WDR72: variants seen among roughly 807,000 people sequenced by gnomAD.
WDR72 encodes WD repeat-containing protein 72.
A neutral mutation model predicts 124.2 loss-of-function variants in WDR72; 120 were observed. The ratio of observed to expected loss-of-function variants is 0.97; its 90% CI spans 0.83 to 1.12. The LOEUF (loss-of-function observed/expected upper bound fraction) is 1.12. WDR72 is among the 50% of genes most tolerant of loss of function. The pLI, the probability that WDR72 is intolerant of heterozygous loss-of-function variation, is 0.00. For missense variants in WDR72, 1,387 were observed against 1,278.8 expected, an observed-to-expected ratio of 1.08 and a Z score of -1.29; for synonymous variants, 452 against 441.7, an observed-to-expected ratio of 1.02 and a Z score of -0.29.
In WDR72 at chr15:53,582,799, G is replaced by A. The variant is rs1244063056; in HGVS notation, c.3148+14280C>T. ...TGACTATTTTCAATTTATAAACATCGTACATTCATCAAACTATATTTTTGA... is the reference window on the plus strand; with the variant it reads ...TGACTATTTTCAATTTATAAACATCATACATTCATCAAACTATATTTTTGA... On this transcript the variant is annotated intron_variant, in intron 18 of 19. Coordinates refer to ENST00000360509, the MANE Select transcript of WDR72 (RefSeq NM_182758.4). Among the ~76,000 whole-genome samples the A allele has an allele frequency of 2.6e-5, 4 of 151,776 alleles. No individual in the cohort carries two copies. The East Asian group carries it at 7.8e-4, about 29-fold the overall frequency.
At chr15:53,724,981 T>C (rs1184462485) in intron 2 of WDR72, among the ~76,000 whole-genome samples, 3 of 151,926 alleles carry the variant, frequency 2.0e-5, no homozygotes, top group Non-Finnish European at 4.4e-5. Context: ...TTCTTATTTA[T>C]ATAAAAAATA....
intron 1 of WDR72, among the ~76,000 whole-genome samples, chr15:53,733,536 G>T (rs1338388535): frequency 6.6e-6 from 1 of 152,046 alleles, no homozygotes; most frequent in African/African-American, 2.4e-5. Context: ...AGCCAGCTTT[G>T]CAGACTCTCT....
At chr15:53,632,355 T>C (rs1182316643) in intron 14 of WDR72, among the ~76,000 whole-genome samples, 1 of 151,856 alleles carries the variant, frequency 6.6e-6, no homozygotes, top group East Asian at 1.9e-4. Flanking sequence ...AATGCAAGAG[T>C]TGAGGCTTAG....
At chr15:53,539,615 G>A (rs767216195) in intron 18 of WDR72, among the ~76,000 whole-genome samples, 5 of 150,900 alleles carry the variant, frequency 3.3e-5, no homozygotes, top group African/African-American at 7.3e-5. Flanking sequence ...AAGGTAATAC[G>A]TAAAGGTTTT....
intron 18 of WDR72, among the ~76,000 whole-genome samples, chr15:53,593,352 A>G (rs2012603360): frequency 6.6e-6 from 1 of 152,108 alleles, no homozygotes; most frequent in African/African-American, 2.4e-5. Context: ...ACAGCACAGT[A>G]TTTAGGAGAA....
chr15:53,751,983 T>TA (rs2018786441), intron 1 of WDR72, among the ~76,000 whole-genome samples: 1 of 152,208 alleles, frequency 6.6e-6, no homozygotes, highest in Admixed American at 6.5e-5. Flanking sequence ...TAGACTCTAT[T>TA]ATCAGAAGGT....
At chr15:53,710,665 A>G (rs1405717283) in intron 9 of WDR72, among the ~76,000 whole-genome samples, 192 bp downstream of exon 9, 7 of 152,220 alleles carry the variant, frequency 4.6e-5, no homozygotes, top group African/African-American at 1.4e-4. Flanking sequence ...ACAGACTTAA[A>G]CATAGCAGAT....
intron 1 of WDR72, among the ~76,000 whole-genome samples, chr15:53,753,585 G>C (rs2018825539): frequency 6.6e-6 from 1 of 152,172 alleles, no homozygotes; most frequent in African/African-American, 2.4e-5. Flanking sequence ...TGGATTTTCT[G>C]TCATGAGCCA....
intron 18 of WDR72, among the ~76,000 whole-genome samples, chr15:53,571,426 A>G (rs1265845404): frequency 1.3e-5 from 2 of 151,956 alleles, no homozygotes; most frequent in Non-Finnish European, 2.9e-5. Flanking sequence ...TGCTTCTGTG[A>G]GTTCAACTTT....
chr15:53,675,890 G>T (rs2016156441), intron 13 of WDR72, among the ~76,000 whole-genome samples: 2 of 152,042 alleles, frequency 1.3e-5, no homozygotes, highest in Non-Finnish European at 2.9e-5. Flanking sequence ...GGAGAGGAAG[G>T]ATATAGTAGA....
intron 18 of WDR72, among the ~76,000 whole-genome samples, chr15:53,564,443 T>C (rs1243218819): frequency 6.6e-6 from 1 of 151,886 alleles, no homozygotes; most frequent in African/African-American, 2.4e-5. Flanking sequence ...AATTACCTGG[T>C]AAACATGCCA....
At chr15:53,527,149 G>C (rs1204330206) in intron 18 of WDR72, among the ~76,000 whole-genome samples, 2 of 152,038 alleles carry the variant, frequency 1.3e-5, no homozygotes, top group Non-Finnish European at 2.9e-5. Flanking sequence ...TCACATTCAA[G>C]AACACTGTAA....
rs563422940 is a variant in WDR72, at chr15:53,715,831, T to C, written c.340-464A>G. ...ACCCTGTCTCTTAAAGAGAAAAAAT[T>C]AATAGCAACAACAAAACCCAGGTTC... is the stretch of plus-strand genomic sequence containing the variant. On this transcript the variant is annotated intron_variant, in intron 4 of 19. Transcript: ENST00000360509. Among the ~76,000 whole-genome samples, 104 of 152,272 alleles carry C rather than the reference T, an allele frequency of 6.8e-4. 2 individuals carry two copies. Among genetic ancestry groups the C allele is most frequent in the African/African-American group, 2.5e-3 (102 of 41,562 alleles).
intron 13 of WDR72, among the ~76,000 whole-genome samples, chr15:53,685,704 C>G (rs1595848815): frequency 6.6e-6 from 1 of 151,384 alleles, no homozygotes; most frequent in African/African-American, 2.4e-5. Flanking sequence ...TCAGGAAATA[C>G]AGAGAACACC....
At position 53,517,608 on chromosome 15, in the gene WDR72, TAAC is replaced by T. The variant is rs1382560629; in HGVS notation, c.*88_*90del. The T allele has an allele frequency of 1.2e-5, 16 of 1,380,130 alleles. No homozygotes were observed. In the Admixed American group the frequency reaches 2.5e-4, roughly 22 times the overall value. The allele number at this position is 1,380,130 out of a possible 1,614,324, so 85.5% of individuals were successfully genotyped here. ...CACTACAGCCTAATAACTTGACCAA[TAAC>T]AACAATGCTTTTATACAGTAATAAA... On this transcript the variant is annotated 3_prime_UTR_variant, in exon 20 of 20. Coordinates refer to ENST00000360509, the MANE Select transcript of WDR72 (RefSeq NM_182758.4).
intron 14 of WDR72, among the ~76,000 whole-genome samples, chr15:53,618,061 G>A (rs1159927744): frequency 6.6e-6 from 1 of 151,700 alleles, no homozygotes; most frequent in African/African-American, 2.4e-5. Context: ...TACATTTCAT[G>A]GTAAATAAAT....
chr15:53,729,491 A>AAAC (rs775775705), intron 2 of WDR72, among the ~76,000 whole-genome samples: 33 of 150,774 alleles, frequency 2.2e-4, no homozygotes, highest in South Asian at 4.2e-4. Flanking sequence ...CTAGTGAAAA[A>AAAC]AAAACAAAAC....
rs1891314920 is a variant in WDR72 at position 53,514,130 on chromosome 15, T to G, written c.*3569A>C. 6.6e-6 allele frequency: 1 copy of G among 152,218 alleles called. No homozygotes were observed. Among genetic ancestry groups the G allele is most frequent in the Non-Finnish European group, 1.5e-5 (1 of 68,042 alleles). 9.4% of individuals were successfully genotyped at this position (152,218 alleles called of 1,614,324 possible). A position where few individuals can be genotyped will look rare whatever the true frequency, so the allele number is the denominator to read the frequency against. ...TTTGCAACTCTTTTGGTTAAGCTAA[T>G]TTTTTAAAATTACAAAAAACACTAA... On this transcript the variant is annotated 3_prime_UTR_variant, in exon 20 of 20. Coordinates refer to ENST00000360509, the MANE Select transcript of WDR72 (RefSeq NM_182758.4).
chr15:53,695,144 C>A (rs1294840962), intron 13 of WDR72, among the ~76,000 whole-genome samples: 1 of 152,148 alleles, frequency 6.6e-6, no homozygotes, highest in East Asian at 1.9e-4. Flanking sequence ...AACAAGGTTT[C>A]ATTGTCCCAC....
Sources: gnomAD v4.1 joint callset for allele counts (sites outside exome capture counted in the v4.1 genomes callset) on GRCh38, gnomAD v4.1.1 for gene constraint, MANE v1.5 for transcripts, NCBI Gene and HGNC (gene_info 2026-07-23, HGNC 2026-07-21) for gene names.